CDH4: variants seen among roughly 807,000 people sequenced by gnomAD.
The protein encoded by CDH4 is cadherin 4, also known as cadherin-4.
In CDH4, 33 loss-of-function variants were observed where a neutral mutation model predicts 86.0. That is an observed-to-expected ratio of 0.38 (90% confidence interval 0.29 to 0.51). The LOEUF (loss-of-function observed/expected upper bound fraction) is 0.51, where lower values mean the gene tolerates loss of function less well. Ranked by LOEUF, CDH4 falls within the 20% of genes least tolerant of loss-of-function variation. CDH4 has a pLI of 0.86. For synonymous variants in CDH4, 555 were observed against 549.4 expected (o/e 1.01, Z -0.14); for missense variants, 1,114 against 1,307.4 (o/e 0.85, Z 2.28).
chr20:61,846,212 C>T (rs535430807), intron 5 of CDH4, among the ~76,000 whole-genome samples: 4 of 152,348 alleles, frequency 2.6e-5, no homozygotes, highest in African/African-American at 7.2e-5. Flanking sequence ...ACGGCTGCCT[C>T]CTGGGAAGGC....
At position 61,800,726 on chromosome 20, in the gene CDH4, G is replaced by A. The variant is rs117886478; in HGVS notation, c.576+27544G>A. On this transcript the variant is annotated intron_variant, in intron 4 of 15. Coordinates refer to ENST00000614565, the MANE Select transcript of CDH4 (RefSeq NM_001794.5). ...CTCAAGGCAGAGCCTCAGGCAGGCC[G>A]AGAGCACAGATGGCCTCTTGGACAC... Among the ~76,000 whole-genome samples the A allele has an allele frequency of 6.7e-3, 1,023 of 152,334 alleles. 6 individuals carry two copies. The highest frequency in any genetic ancestry group is 0.01 in the Non-Finnish European group (695 of 68,028).
chr20:61,468,924 G>A (rs772317536), intron 2 of CDH4, among the ~76,000 whole-genome samples: 1 of 152,150 alleles, frequency 6.6e-6, no homozygotes, highest in Non-Finnish European at 1.5e-5. Context: ...ACTCCATCGT[G>A]TATAGGTACC....
At chr20:61,907,150 G>A (rs2054798538) in intron 8 of CDH4, among the ~76,000 whole-genome samples, 1 of 152,050 alleles carries the variant, frequency 6.6e-6, no homozygotes, top group South Asian at 2.1e-4. Context: ...ACACCAGGGG[G>A]ACTATCACCT....
intron 2 of CDH4, among the ~76,000 whole-genome samples, chr20:61,431,667 C>T (rs992827079): frequency 1.3e-5 from 2 of 152,150 alleles, no homozygotes; most frequent in Admixed American, 1.3e-4. Context: ...GCCAAAGTTA[C>T]TCTTTTTAAT....
At chr20:61,791,496 G>A (rs867133914) in intron 4 of CDH4, among the ~76,000 whole-genome samples, 2 of 152,272 alleles carry the variant, frequency 1.3e-5, no homozygotes, top group African/African-American at 4.8e-5. Flanking sequence ...CGTGTATTGC[G>A]ATCAGCTCTG....
intron 2 of CDH4, among the ~76,000 whole-genome samples, chr20:61,577,257 T>A (rs2086389081): frequency 6.6e-6 from 1 of 151,140 alleles, no homozygotes; most frequent in South Asian, 2.1e-4. Flanking sequence ...AGTGTATGTG[T>A]ATTGAAGGAT....
At chr20:61,765,638 A>G (rs1374230516) in intron 3 of CDH4, among the ~76,000 whole-genome samples, 1 of 152,144 alleles carries the variant, frequency 6.6e-6, no homozygotes, top group Non-Finnish European at 1.5e-5. Flanking sequence ...CCGAGTGTGA[A>G]CAGACTCTGA....
chr20:61,545,665 G>C (rs2086072961), intron 2 of CDH4, among the ~76,000 whole-genome samples: 1 of 152,230 alleles, frequency 6.6e-6, no homozygotes, highest in Non-Finnish European at 1.5e-5. Context: ...AAGAGAACCG[G>C]AGGCTTTGGC....
In CDH4 at chr20:61,300,480, C is replaced by T. The variant is rs551455008; in HGVS notation, c.169+45543C>T. Among the ~76,000 whole-genome samples, 9 of 152,240 alleles carry T rather than the reference C, an allele frequency of 5.9e-5. No homozygotes were observed. In the South Asian group the frequency reaches 1.9e-3, roughly 32 times the overall value. ...GGGTGAAGAGGACAGTGCCAGCTCT[C>T]CCTGGGCACAGGGCTCCCCTGGCTG... On this transcript the variant is annotated intron_variant, in intron 2 of 15. Coordinates refer to ENST00000614565, the MANE Select transcript of CDH4 (RefSeq NM_001794.5).
At chr20:61,385,449 C>T (rs1324098538) in intron 2 of CDH4, among the ~76,000 whole-genome samples, 2 of 139,918 alleles carry the variant, frequency 1.4e-5, no homozygotes, top group Admixed American at 6.9e-5. Context: ...TGACGAAATC[C>T]CCGCCGCCCC....
At chr20:61,436,205 C>T (rs1342360898) in intron 2 of CDH4, among the ~76,000 whole-genome samples, 2 of 152,182 alleles carry the variant, frequency 1.3e-5, no homozygotes, top group Non-Finnish European at 2.9e-5. Context: ...CTCTTAAGCA[C>T]CATCATGATC....
At chr20:61,614,291 C>T (rs1172872558) in intron 2 of CDH4, among the ~76,000 whole-genome samples, 4 of 152,134 alleles carry the variant, frequency 2.6e-5, no homozygotes, top group Non-Finnish European at 5.9e-5. Context: ...GGGCTGGAAG[C>T]TGAACCCTGT....
At chr20:61,286,751 T>C (rs942759914) in intron 2 of CDH4, among the ~76,000 whole-genome samples, 5 of 152,246 alleles carry the variant, frequency 3.3e-5, no homozygotes, top group Non-Finnish European at 5.9e-5. Context: ...AGTTCATTTT[T>C]ACTTATTTAT....
intron 4 of CDH4, among the ~76,000 whole-genome samples, chr20:61,836,861 A>G (rs757763298): frequency 6.6e-6 from 1 of 152,222 alleles, no homozygotes; most frequent in Non-Finnish European, 1.5e-5. Context: ...CCATTGAAGT[A>G]AAGTTCTAGT....
intron 2 of CDH4, among the ~76,000 whole-genome samples, chr20:61,488,638 A>G (rs1289927697): frequency 6.6e-6 from 1 of 152,112 alleles, no homozygotes; most frequent in Non-Finnish European, 1.5e-5. Flanking sequence ...GAGAGACAAA[A>G]GAGAGAGAGA....
chr20:61,288,522 T>C (rs1434387892), intron 2 of CDH4, among the ~76,000 whole-genome samples: 1 of 152,220 alleles, frequency 6.6e-6, no homozygotes, highest in African/African-American at 2.4e-5. Context: ...CCCCTGAGCA[T>C]GGGCTGGGGG....
chr20:61,905,460 T>C (rs1015084248), intron 8 of CDH4, among the ~76,000 whole-genome samples: 1 of 152,112 alleles, frequency 6.6e-6, no homozygotes, highest in East Asian at 1.9e-4. Flanking sequence ...AGGACCCACC[T>C]GGCCATGTAA....
chr20:61,473,140 T>C (rs2085515258), intron 2 of CDH4, among the ~76,000 whole-genome samples: 1 of 152,160 alleles, frequency 6.6e-6, no homozygotes, highest in Non-Finnish European at 1.5e-5. Flanking sequence ...GAGATGAAAA[T>C]AGCACATTGT....
chr20:61,367,257 C>T (rs1177993259), intron 2 of CDH4, among the ~76,000 whole-genome samples: 1 of 152,140 alleles, frequency 6.6e-6, no homozygotes, highest in Non-Finnish European at 1.5e-5. Flanking sequence ...AGAGTGTCTT[C>T]AGTTAAATGC....
Sources: gnomAD v4.1 joint callset for allele counts (sites outside exome capture counted in the v4.1 genomes callset) on GRCh38, gnomAD v4.1.1 for gene constraint, MANE v1.5 for transcripts, NCBI Gene and HGNC (gene_info 2026-07-23, HGNC 2026-07-21) for gene names.